Variants in ABCC5 observed in about 807,000 individuals in gnomAD.
ABCC5 encodes ATP-binding cassette sub-family C member 5.
In ABCC5, 61 loss-of-function variants were observed where a neutral mutation model predicts 160.9. The ratio of observed to expected loss-of-function variants is 0.38; its 90% CI spans 0.31 to 0.47. The LOEUF (loss-of-function observed/expected upper bound fraction) is 0.47. Ranked by LOEUF, ABCC5 falls within the 20% of genes least tolerant of loss-of-function variation. The probability of loss-of-function intolerance (pLI) is 0.99; values close to 1 mark genes in which losing one functional copy is unlikely to be tolerated. For missense variants in ABCC5, 1,308 were observed against 1,813.3 expected (o/e 0.72, Z 5.06); for synonymous variants, 666 against 700.6 (o/e 0.95, Z 0.78).
chr3:184,005,573 C>T (rs969326827), intron 2 of ABCC5, among the ~76,000 whole-genome samples: 4 of 138,108 alleles, frequency 2.9e-5, no homozygotes, highest in South Asian at 2.3e-4. Context: ...TGTTTCTTTG[C>T]GTTGACCTTT....
intron 22 of ABCC5, among the ~76,000 whole-genome samples, chr3:183,948,020 CAGG>C (rs1361965900): frequency 6.6e-6 from 1 of 152,158 alleles, no homozygotes; most frequent in Non-Finnish European, 1.5e-5. Context: ...AGCCAAGCAC[CAGG>C]AGAAGCAAGC....
intron 17 of ABCC5, 136 bp downstream of exon 17, chr3:183,959,596 CT>C: frequency 1.5e-6 from 1 of 688,892 alleles, no homozygotes; most frequent in Non-Finnish European, 2.3e-6. Context: ...TATATAAGAA[CT>C]TTGTTTTCCA....
chr3:183,931,912 T>C (rs536076806), intron 26 of ABCC5, among the ~76,000 whole-genome samples: 1 of 152,348 alleles, frequency 6.6e-6, no homozygotes, highest in African/African-American at 2.4e-5. Context: ...AGTGATTGGA[T>C]AGAAAAGTGT....
chr3:183,973,385 C>T (rs1717942868), intron 10 of ABCC5, among the ~76,000 whole-genome samples: 1 of 151,946 alleles, frequency 6.6e-6, no homozygotes, highest in Admixed American at 6.6e-5. Flanking sequence ...CTACAGAATG[C>T]TATACCAGTT....
intron 29 of ABCC5, among the ~76,000 whole-genome samples, chr3:183,923,198 G>T (rs1712177647): frequency 6.6e-6 from 1 of 151,564 alleles, no homozygotes; most frequent in Non-Finnish European, 1.5e-5. Flanking sequence ...AAATTACAAG[G>T]AAATTTTAAT....
chr3:184,017,622 G>T lies in ABCC5; in HGVS notation c.-56+208C>A, dbSNP rs923987027. ...CCTACCTGCCTGTCTTCCAGCACACGACCCCGTCACCAGACCCCGGGCTCA... is the reference window on the plus strand; with the variant it reads ...CCTACCTGCCTGTCTTCCAGCACACTACCCCGTCACCAGACCCCGGGCTCA... On this transcript the variant is annotated intron_variant, in intron 1 of 29. Transcript: ENST00000334444. The surrounding 1 kb of genome is among the most constrained non-coding windows in gnomAD (Gnocchi z 4.5). Among the ~76,000 whole-genome samples, 29 of 151,292 alleles carry T rather than the reference G, an allele frequency of 1.9e-4. No individual in the cohort carries two copies. The highest frequency in any genetic ancestry group is 6.5e-4 in the African/African-American group (27 of 41,326).
chr3:183,971,674 G>C lies in ABCC5; in HGVS notation c.1650C>G (p.Leu550=), dbSNP rs1717762063. ...AVLAEQKGHL[L]LDSDERPSPE... ...GACTGGGCCGCTCGTCACTGTCCAGGAGGAGGTGGCCTTTCTGCTCTGCCA... is the reference window on the plus strand; with the variant it reads ...GACTGGGCCGCTCGTCACTGTCCAGCAGGAGGTGGCCTTTCTGCTCTGCCA... The change falls in exon 11 of 30, where the codon CTC becomes CTG. Residue 550 remains leucine (L), a synonymous_variant. Coordinates refer to ENST00000334444, the MANE Select transcript of ABCC5 (RefSeq NM_005688.4). The C allele has an allele frequency of 6.2e-7, 1 of 1,614,110 alleles. No homozygotes were observed.
chr3:184,012,507 C>T (rs4074672), intron 2 of ABCC5, among the ~76,000 whole-genome samples: 50,983 of 152,022 alleles, frequency 0.34, 8,800 homozygotes, highest in East Asian at 0.43. Flanking sequence ...ATACAAATGA[C>T]GTAAGTAGCT....
At chr3:183,985,631 A>T in intron 5 of ABCC5, 1 of 541,092 alleles carries the variant, frequency 1.8e-6, no homozygotes. Flanking sequence ...CACAGATCAT[A>T]GGTGAGGCCT....
intron 26 of ABCC5, among the ~76,000 whole-genome samples, chr3:183,931,246 C>T (rs1263675983): frequency 6.6e-6 from 1 of 151,676 alleles, no homozygotes; most frequent in East Asian, 1.9e-4. Flanking sequence ...AACTGCTGTA[C>T]ACAAAAGCGC....
At chr3:183,960,544 G>A (rs572013453) in intron 16 of ABCC5, among the ~76,000 whole-genome samples, 1 of 152,276 alleles carries the variant, frequency 6.6e-6, no homozygotes, top group African/African-American at 2.4e-5. Flanking sequence ...TACTATACAT[G>A]TGATGTGGTC....
intron 26 of ABCC5, among the ~76,000 whole-genome samples, chr3:183,932,766 C>T (rs1713300404): frequency 6.6e-6 from 1 of 152,162 alleles, no homozygotes; most frequent in Non-Finnish European, 1.5e-5. Flanking sequence ...GAGTTTAAGA[C>T]TAGCCTGGGC....
chr3:183,951,774 T>C lies in ABCC5; in HGVS notation c.2814+83A>G. 1 of 1,556,398 alleles carries C rather than the reference T, an allele frequency of 6.4e-7. No homozygotes were observed. Among genetic ancestry groups the C allele is most frequent in the Non-Finnish European group, 8.7e-7 (1 of 1,145,998 alleles). On this transcript the variant is annotated intron_variant, in intron 19 of 29. Transcript: ENST00000334444. This position sits in a 1 kb window ranked among gnomAD's most constrained non-coding sequence, Gnocchi z 4.7. Reference sequence around the variant, plus strand: ...ATCCTGGTTAAGGGAGCTCCCCTACTCAGCATGAACTGAGAGACGCCACAC... The same window carrying C: ...ATCCTGGTTAAGGGAGCTCCCCTACCCAGCATGAACTGAGAGACGCCACAC...
At position 184,017,643 on chromosome 3, in the gene ABCC5, G is replaced by A. The variant is rs1298062742; in HGVS notation, c.-56+187C>T. On this transcript the variant is annotated intron_variant, in intron 1 of 29. Transcript: ENST00000334444. The surrounding 1 kb of genome is among the most constrained non-coding windows in gnomAD (Gnocchi z 4.5). ...ACACGACCCCGTCACCAGACCCCGG[G>A]CTCACAGGCCTAGGAGGCGGCGGCA... 6.6e-6 allele frequency among the ~76,000 whole-genome samples: 1 copy of A among 152,154 alleles called. No individual in the cohort carries two copies. The highest frequency in any genetic ancestry group is 1.5e-5 in the Non-Finnish European group (1 of 68,014).
intron 22 of ABCC5, 142 bp from the exon 23 acceptor site, chr3:183,947,652 G>C: frequency 1.4e-6 from 1 of 691,136 alleles, no homozygotes; most frequent in Non-Finnish European, 2.3e-6. Context: ...GGAAACTCCA[G>C]GAGGGTATTC....
At chr3:184,006,393 T>C (rs1721213454) in intron 2 of ABCC5, 1 of 148,224 alleles carries the variant, frequency 6.7e-6, no homozygotes, top group African/African-American at 2.5e-5. Context: ...AAGAGAAAAA[T>C]AATGCAGAGC....
rs556200597 is a variant in ABCC5, at chr3:183,968,723, G to GT, written c.1762-958dup. 2.4e-4 allele frequency among the ~76,000 whole-genome samples: 36 copies of GT among 152,276 alleles called. 1 individual carries two copies. The South Asian group carries it at 6.8e-3, about 29-fold the overall frequency. ...AAAAGGGTCACTTGTTTACAACCCC[G>GT]TGCCAGTTCAAGTGTCCCCAGGAAG... is the stretch of plus-strand genomic sequence containing the variant. On this transcript the variant is annotated intron_variant, in intron 11 of 29. Coordinates refer to ENST00000334444, the MANE Select transcript of ABCC5 (RefSeq NM_005688.4).
chr3:183,933,898 G>A (rs1713420945), intron 26 of ABCC5, among the ~76,000 whole-genome samples: 1 of 152,222 alleles, frequency 6.6e-6, no homozygotes, highest in African/African-American at 2.4e-5. Flanking sequence ...GCTAATGGTG[G>A]TGGAGGCGCG....
chr3:183,988,789 T>G lies in ABCC5; in HGVS notation c.288-62A>C. The G allele has an allele frequency of 6.5e-7, 1 of 1,529,550 alleles. No homozygotes were observed. Among genetic ancestry groups the G allele is most frequent in the Middle Eastern group, 1.7e-4 (1 of 5,778 alleles). The allele number at this position is 1,529,550 out of a possible 1,614,324, so 94.7% of individuals were successfully genotyped here. A position where few individuals can be genotyped will look rare whatever the true frequency, so the allele number is the denominator to read the frequency against. ...ACGCACGGAGAGGGCAGCCCGTGTT[T>G]AATGGACACTGTTTAGTGAACACAG... On this transcript the variant is annotated intron_variant, in intron 3 of 29. Coordinates refer to ENST00000334444, the MANE Select transcript of ABCC5 (RefSeq NM_005688.4). This position sits in a 1 kb window ranked among gnomAD's most constrained non-coding sequence, Gnocchi z 4.4.
Sources: allele counts gnomAD v4.1 joint callset (sites outside exome capture counted in the v4.1 genomes callset), GRCh38; gene constraint gnomAD v4.1.1; non-coding constraint Gnocchi (gnomAD v3.1); transcripts MANE v1.5; gene names NCBI Gene and HGNC (gene_info 2026-07-23, HGNC 2026-07-21).